The following CCDC73 variants were observed in gnomAD, a reference collection of about 807,000 sequenced individuals.
CCDC73 encodes the protein coiled-coil domain containing 73.
A neutral mutation model predicts 116.5 loss-of-function variants in CCDC73; 95 were observed. That is an observed-to-expected ratio of 0.82 (90% CI 0.69 to 0.97). The LOEUF (loss-of-function observed/expected upper bound fraction) is 0.97, where lower values mean the gene tolerates loss of function less well. Ranked by LOEUF, CCDC73 falls within the 50% of genes least tolerant of loss-of-function variation. The probability of loss-of-function intolerance (pLI) is 0.00; values close to 1 mark genes in which losing one functional copy is unlikely to be tolerated. For synonymous variants in CCDC73, 398 were observed against 401.3 expected, an observed-to-expected ratio of 0.99 and a Z score of 0.10; for missense variants, 1,066 against 1,206.8, an observed-to-expected ratio of 0.88 and a Z score of 1.73.
chr11:32,760,048 C>T (rs1460416496), intron 2 of CCDC73, 61 bp downstream of exon 2: 1 of 1,385,218 alleles, frequency 7.2e-7, no homozygotes, highest in African/African-American at 1.5e-5. Flanking sequence ...CTTTAAAAAA[C>T]AATAAACTGA....
At chr11:32,745,166 A>G (rs913514390) in intron 2 of CCDC73, among the ~76,000 whole-genome samples, 3 of 152,206 alleles carry the variant, frequency 2.0e-5, no homozygotes, top group Non-Finnish European at 4.4e-5. Context: ...TTATGGACCC[A>G]GTAGTCATTC....
At chr11:32,826,661 A>AAAAAAAAAAAC in the CCDC73 span, among the ~76,000 whole-genome samples, 9 of 83,642 alleles carry the variant, frequency 1.1e-4, no homozygotes, top group Non-Finnish European at 1.2e-4. Context: ...AAAAAAAAAC[A>AAAAAAAAAAAC]AAAAAAAAAA....
intron 12 of CCDC73, among the ~76,000 whole-genome samples, chr11:32,650,319 G>A (rs1274987788): frequency 2.0e-5 from 3 of 152,102 alleles, no homozygotes; most frequent in Non-Finnish European, 4.4e-5. Context: ...TAATTTTGAG[G>A]CTTTGAACCA....
At chr11:32,616,966 G>C (rs1003354552) in intron 14 of CCDC73, among the ~76,000 whole-genome samples, 1 of 152,158 alleles carries the variant, frequency 6.6e-6, no homozygotes, top group Non-Finnish European at 1.5e-5. Context: ...CTAAACATAC[G>C]TGAAGTATGA....
At chr11:32,795,481 A>T (rs1393588198), upstream of CCDC73, among the ~76,000 whole-genome samples, 2 of 26,836 alleles carry the variant, frequency 7.5e-5, no homozygotes, top group Non-Finnish European at 1.6e-4. Context: ...AAAAAAAAAG[A>T]AAAGAAAAGT....
At chr11:32,699,473 G>A (rs1484832883) in intron 5 of CCDC73, 148 bp from the exon 6 acceptor site, 3 of 1,065,530 alleles carry the variant, frequency 2.8e-6, no homozygotes, top group Middle Eastern at 3.7e-4. Flanking sequence ...AAATATAAGA[G>A]CTCAAGAACC....
chr11:32,622,768 C>T (rs1284745619), intron 14 of CCDC73, among the ~76,000 whole-genome samples: 1 of 150,076 alleles, frequency 6.7e-6, no homozygotes, highest in Admixed American at 6.7e-5. Flanking sequence ...ATATATAATA[C>T]ACACAGTGCA....
At chr11:32,811,291 T>C in the CCDC73 span, among the ~76,000 whole-genome samples, 4 of 152,216 alleles carry the variant, frequency 2.6e-5, no homozygotes, top group Admixed American at 2.6e-4. Flanking sequence ...CTTATCCTTA[T>C]AGTTTTATTG....
At chr11:32,625,491 T>G (rs976518630) in intron 14 of CCDC73, among the ~76,000 whole-genome samples, 25 of 152,200 alleles carry the variant, frequency 1.6e-4, no homozygotes, top group Admixed American at 1.2e-3. Context: ...ACAAAATCTC[T>G]TAGCATTTGC....
chr11:32,782,374 T>C (rs1850591618), intron 1 of CCDC73, among the ~76,000 whole-genome samples: 1 of 152,190 alleles, frequency 6.6e-6, no homozygotes, highest in Non-Finnish European at 1.5e-5. Flanking sequence ...GGGACCACTG[T>C]TCTAGGGAAT....
intron 2 of CCDC73, among the ~76,000 whole-genome samples, chr11:32,737,745 CTA>C (rs1263243508): frequency 6.6e-6 from 1 of 152,006 alleles, no homozygotes; most frequent in Non-Finnish European, 1.5e-5. Context: ...AATTATTAGA[CTA>C]TAGTCACCTT....
At chr11:32,793,327 G>C (rs1435115833) in intron 1 of CCDC73, among the ~76,000 whole-genome samples, 6 of 152,192 alleles carry the variant, frequency 3.9e-5, no homozygotes, top group Non-Finnish European at 7.3e-5. Context: ...TCCATCCACA[G>C]CGTATTTGCT....
chr11:32,606,521 C>T (rs1400730155), intron 17 of CCDC73, among the ~76,000 whole-genome samples: 2 of 152,176 alleles, frequency 1.3e-5, no homozygotes, highest in African/African-American at 4.8e-5. Flanking sequence ...TGAAGCTTAC[C>T]ATAGTACTTG....
In CCDC73 at chr11:32,616,145, A is replaced by C; in HGVS notation, c.1186-16T>G. Reference sequence around the variant, plus strand: ...CTGGAACATTCTAGTGTAAAATGGAAGAGATTCTTTTAAAAACATTGCCTA... The same window carrying C: ...CTGGAACATTCTAGTGTAAAATGGACGAGATTCTTTTAAAAACATTGCCTA... On this transcript the variant is annotated splice_polypyrimidine_tract_variant and intron_variant, in intron 14 of 17. Coordinates refer to ENST00000335185, the MANE Select transcript of CCDC73 (RefSeq NM_001008391.4). The C allele has an allele frequency of 6.5e-7, 1 of 1,550,102 alleles. No individual in the cohort carries two copies. The highest frequency in any genetic ancestry group is 8.7e-7 in the Non-Finnish European group (1 of 1,156,000).
the CCDC73 span, among the ~76,000 whole-genome samples, chr11:32,816,167 A>C: frequency 6.6e-6 from 1 of 152,228 alleles, no homozygotes; most frequent in Non-Finnish European, 1.5e-5. Flanking sequence ...TGAGACATCA[A>C]GTATAGATAT....
In CCDC73 at chr11:32,665,871, C is replaced by T. The variant is rs562325385; in HGVS notation, c.645+9694G>A. Among the ~76,000 whole-genome samples, 611 of 152,276 alleles carry T rather than the reference C, an allele frequency of 4.0e-3. 3 individuals are homozygous for T. The highest frequency in any genetic ancestry group is 0.014 in the African/African-American group (582 of 41,560). On this transcript the variant is annotated intron_variant, in intron 9 of 17. Coordinates refer to ENST00000335185, the MANE Select transcript of CCDC73 (RefSeq NM_001008391.4). ...CAGGCCTGGTAGTGACAAAATCTCT[C>T]AGCATTTGCTTGTCTATAAAGGATT...
intron 1 of CCDC73, among the ~76,000 whole-genome samples, chr11:32,793,577 G>A (rs1447433724): frequency 2.0e-5 from 3 of 151,988 alleles, no homozygotes; most frequent in African/African-American, 7.3e-5. Flanking sequence ...AAAGTGAAGT[G>A]GAAGATTGCA....
At chr11:32,818,024 A>G in the CCDC73 span, among the ~76,000 whole-genome samples, 1 of 152,218 alleles carries the variant, frequency 6.6e-6, no homozygotes, top group Non-Finnish European at 1.5e-5. Context: ...GGTGAAACTA[A>G]CTTGCCAATC....
chr11:32,618,817 G>A (rs1246284059), intron 14 of CCDC73, among the ~76,000 whole-genome samples: 1 of 152,124 alleles, frequency 6.6e-6, no homozygotes, highest in Non-Finnish European at 1.5e-5. Flanking sequence ...CTCCCAATGT[G>A]CTGGGATTAC....
Sources: gnomAD v4.1 joint callset for allele counts (sites outside exome capture counted in the v4.1 genomes callset) on GRCh38, gnomAD v4.1.1 for gene constraint, MANE v1.5 for transcripts, NCBI Gene and HGNC (gene_info 2026-07-23, HGNC 2026-07-21) for gene names.